VAV2: variants seen among roughly 807,000 people sequenced by gnomAD.
The protein encoded by VAV2 is guanine nucleotide exchange factor VAV2.
In VAV2, 67 loss-of-function variants were observed where a neutral mutation model predicts 132.5. The observed-to-expected ratio is 0.51, with a 90% confidence interval of 0.42 to 0.62. The LOEUF (loss-of-function observed/expected upper bound fraction) is 0.62, where lower values mean the gene tolerates loss of function less well. Among genes scored for constraint, VAV2 ranks in the 20% least tolerant of loss-of-function variants. The pLI is 0.00. For synonymous variants in VAV2, 492 were observed against 443.5 expected (o/e 1.11, Z -1.37); for missense variants, 938 against 1,153.6 (o/e 0.81, Z 2.71).
chr9:133,876,176 C>A (rs182331838), intron 2 of VAV2, among the ~76,000 whole-genome samples: 1 of 152,226 alleles, frequency 6.6e-6, no homozygotes, highest in African/African-American at 2.4e-5. Context: ...CCCCCAGGAT[C>A]GTGTGAGCCA....
chr9:133,945,372 G>C (rs1003019548), intron 1 of VAV2, among the ~76,000 whole-genome samples: 3 of 152,236 alleles, frequency 2.0e-5, no homozygotes, highest in African/African-American at 7.2e-5. Context: ...GCTTAGGAAT[G>C]GGGCCAGAGA....
intron 2 of VAV2, among the ~76,000 whole-genome samples, chr9:133,894,966 C>A (rs1240542077): frequency 6.6e-6 from 1 of 152,156 alleles, no homozygotes; most frequent in Admixed American, 6.5e-5. Context: ...TCGGTGTCAC[C>A]GCTGTTGACG....
At chr9:133,851,167 G>T (rs761572547) in intron 3 of VAV2, among the ~76,000 whole-genome samples, 1 of 152,172 alleles carries the variant, frequency 6.6e-6, no homozygotes, top group Admixed American at 6.5e-5. Flanking sequence ...CCTCCACCAC[G>T]CACTCAGGAG....
chr9:133,989,274 T>A (rs1588235637), intron 1 of VAV2, among the ~76,000 whole-genome samples: 1 of 140,632 alleles, frequency 7.1e-6, no homozygotes, highest in African/African-American at 2.7e-5. Flanking sequence ...GGGAGGTGGA[T>A]GTTGTGGTGA....
intron 12 of VAV2, among the ~76,000 whole-genome samples, chr9:133,795,339 G>A (rs569106272): frequency 2.6e-5 from 4 of 152,326 alleles, no homozygotes; most frequent in Admixed American, 2.6e-4. Context: ...AGTGCTGGGA[G>A]TGAGAAGCAC....
rs1260570017 is a variant in VAV2, at chr9:133,883,008, T to G, written c.322-21576A>C. Among the ~76,000 whole-genome samples, 1 of 152,124 alleles carries G rather than the reference T, an allele frequency of 6.6e-6. No individual in the cohort carries two copies. The highest frequency in any genetic ancestry group is 2.1e-4 in the South Asian group (1 of 4,828). The stretch of plus-strand genomic sequence containing the variant: ...CCTCTGGCACCCTGGGTTCGGGATG[T>G]GGGCCCCACACCCACCCCATGCCAG... On this transcript the variant is annotated intron_variant, in intron 2 of 29. Coordinates refer to ENST00000371850, the MANE Select transcript of VAV2 (RefSeq NM_001134398.2). This position sits in a 1 kb window ranked among gnomAD's most constrained non-coding sequence, Gnocchi z 4.2.
At chr9:133,869,936 C>T (rs1467465876) in intron 2 of VAV2, among the ~76,000 whole-genome samples, 1 of 152,266 alleles carries the variant, frequency 6.6e-6, no homozygotes, top group Non-Finnish European at 1.5e-5. Flanking sequence ...TCTACAGCTA[C>T]TATTGCTGCA....
intron 3 of VAV2, among the ~76,000 whole-genome samples, chr9:133,859,672 C>A (rs985159786): frequency 6.0e-5 from 9 of 151,244 alleles, no homozygotes; most frequent in African/African-American, 1.5e-4. Flanking sequence ...GGGAGTATAA[C>A]CACGCCACTG....
intron 3 of VAV2, among the ~76,000 whole-genome samples, chr9:133,858,254 C>T (rs541708772): frequency 6.6e-6 from 1 of 152,202 alleles, no homozygotes; most frequent in Non-Finnish European, 1.5e-5. Context: ...ATCAGTGTGG[C>T]CTCTGCAGGC....
In VAV2 at chr9:133,969,175, G is replaced by A. The variant is rs939569695; in HGVS notation, c.204+22900C>T. On this transcript the variant is annotated intron_variant, in intron 1 of 29. Coordinates refer to ENST00000371850, the MANE Select transcript of VAV2 (RefSeq NM_001134398.2). The surrounding 1 kb of genome is among the most constrained non-coding windows in gnomAD (Gnocchi z 5.1). ...CCGTGCCCGCCGGGCCTGCGAGGAC[G>A]AGAGCTGGATTCCACCGTGCCCGCC... is the stretch of plus-strand genomic sequence containing the variant. Among the ~76,000 whole-genome samples, 11 of 151,974 alleles carry A rather than the reference G, an allele frequency of 7.2e-5. No individual in the cohort carries two copies. Among genetic ancestry groups the A allele is most frequent in the African/African-American group, 1.9e-4 (8 of 41,370 alleles).
chr9:133,945,831 C>T (rs1303503374), intron 1 of VAV2, among the ~76,000 whole-genome samples: 2 of 152,240 alleles, frequency 1.3e-5, no homozygotes, highest in African/African-American at 2.4e-5. Context: ...TGGCCTCTTG[C>T]ACACAACCAC....
chr9:133,878,941 G>A (rs565389391), intron 2 of VAV2, among the ~76,000 whole-genome samples: 4 of 152,286 alleles, frequency 2.6e-5, no homozygotes, highest in East Asian at 3.9e-4. Flanking sequence ...GGGTCGGGTC[G>A]CCCCATTCGA....
At chr9:133,850,966 G>C (rs779519637) in intron 3 of VAV2, among the ~76,000 whole-genome samples, 5 of 152,244 alleles carry the variant, frequency 3.3e-5, no homozygotes, top group Admixed American at 1.3e-4. Flanking sequence ...CCAAATTCCA[G>C]GCATCTGAGC....
intron 2 of VAV2, among the ~76,000 whole-genome samples, chr9:133,929,627 C>G (rs7046600): frequency 0.056 from 8,477 of 152,190 alleles, 290 homozygotes; most frequent in Middle Eastern, 0.088. Flanking sequence ...TCTGCCTGCA[C>G]GCAAAAGCCA....
At position 133,824,833 on chromosome 9, in the gene VAV2, C is replaced by A. The variant is rs914894261; in HGVS notation, c.449+9439G>T. On this transcript the variant is annotated intron_variant, in intron 4 of 29. Transcript: ENST00000371850. This position sits in a 1 kb window ranked among gnomAD's most constrained non-coding sequence, Gnocchi z 5.2. Reference sequence around the variant, plus strand: ...GTTCTGTACGACTCTGACCAGGTGCCTTCCTCTCTCAGAGCCCCGTCTCCT... The same window carrying A: ...GTTCTGTACGACTCTGACCAGGTGCATTCCTCTCTCAGAGCCCCGTCTCCT... Among the ~76,000 whole-genome samples, 1 of 152,222 alleles carries A rather than the reference C, an allele frequency of 6.6e-6. No individual in the cohort carries two copies. Among genetic ancestry groups the A allele is most frequent in the African/African-American group, 2.4e-5 (1 of 41,470 alleles).
intron 9 of VAV2, among the ~76,000 whole-genome samples, 159 bp from the exon 10 acceptor site, chr9:133,797,968 G>A (rs1834787454): frequency 6.6e-6 from 1 of 152,212 alleles, no homozygotes. Flanking sequence ...CGGCCAGGAG[G>A]CTGCTCTCCC....
chr9:133,908,917 C>T (rs1020534158), intron 2 of VAV2, among the ~76,000 whole-genome samples: 1 of 152,266 alleles, frequency 6.6e-6, no homozygotes, highest in Admixed American at 6.5e-5. Context: ...GCCCAGTGGG[C>T]ATGCAGGCAG....
chr9:133,793,362 T>C (rs897142004), intron 12 of VAV2, among the ~76,000 whole-genome samples: 18 of 147,730 alleles, frequency 1.2e-4, no homozygotes, highest in African/African-American at 3.9e-4. Flanking sequence ...CAGGTTCCCA[T>C]CCCTCCCGCC....
intron 2 of VAV2, among the ~76,000 whole-genome samples, chr9:133,933,586 T>A (rs928382722): frequency 2.1e-5 from 3 of 145,226 alleles, no homozygotes; most frequent in Non-Finnish European, 4.5e-5. Context: ...GGTGGATGGA[T>A]GGACAAATGG....
Sources: allele counts gnomAD v4.1 joint callset (sites outside exome capture counted in the v4.1 genomes callset), GRCh38; gene constraint gnomAD v4.1.1; non-coding constraint Gnocchi (gnomAD v3.1); transcripts MANE v1.5; gene names NCBI Gene and HGNC (gene_info 2026-07-23, HGNC 2026-07-21).